The following GNAI3 variants were observed in gnomAD, a reference collection of about 807,000 sequenced individuals.
GNAI3 encodes G protein subunit alpha i3.
A neutral mutation model predicts 41.8 loss-of-function variants in GNAI3; 12 were observed. That is an observed-to-expected ratio of 0.29 (90% CI 0.18 to 0.47). The LOEUF is 0.47. GNAI3 is among the 20% of genes least tolerant of loss of function. The probability of loss-of-function intolerance (pLI) is 1.00; values close to 1 mark genes in which losing one functional copy is unlikely to be tolerated. For synonymous variants in GNAI3, 132 were observed against 146.5 expected (o/e 0.90, Z 0.71); for missense variants, 360 against 429.6 (o/e 0.84, Z 1.43).
At chr1:109,550,431 G>A (rs971023583) in intron 1 of GNAI3, among the ~76,000 whole-genome samples, 4 of 152,162 alleles carry the variant, frequency 2.6e-5, no homozygotes, top group Admixed American at 1.3e-4. Context: ...CCTAGTAGGT[G>A]CTCCTTAAAT....
In GNAI3 at chr1:109,598,621, A is replaced by C. The variant is rs1024616986; in HGVS notation, c.*6299A>C. 13 of 230,878 alleles carry C rather than the reference A, an allele frequency of 5.6e-5. No homozygotes were observed. The highest frequency in any genetic ancestry group is 2.9e-4 in the African/African-American group (13 of 44,100). 14.3% of individuals were successfully genotyped at this position (230,878 alleles called of 1,614,324 possible). On this transcript the variant is annotated 3_prime_UTR_variant, in exon 9 of 9. Transcript: ENST00000369851. Reference sequence around the variant, plus strand: ...GCCCATATTCATTTTGAAGACCTGAAATGAAGTTGAACTATAAATTGCTCT... The same window carrying C: ...GCCCATATTCATTTTGAAGACCTGACATGAAGTTGAACTATAAATTGCTCT...
At chr1:109,550,254 G>A (rs1052048636) in intron 1 of GNAI3, among the ~76,000 whole-genome samples, 4 of 152,186 alleles carry the variant, frequency 2.6e-5, no homozygotes, top group South Asian at 2.1e-4. Context: ...GTTGTAGATT[G>A]CAGAAGCTCT....
At chr1:109,564,278 A>T (rs1428019818) in intron 1 of GNAI3, among the ~76,000 whole-genome samples, 2 of 148,816 alleles carry the variant, frequency 1.3e-5, no homozygotes, top group Non-Finnish European at 3.0e-5. Context: ...TTATTTATTT[A>T]TTTTTTTTGC....
At chr1:109,563,489 C>G (rs1648367288) in intron 1 of GNAI3, among the ~76,000 whole-genome samples, 1 of 152,180 alleles carries the variant, frequency 6.6e-6, no homozygotes, top group Non-Finnish European at 1.5e-5. Flanking sequence ...AAGGAAGGAA[C>G]TCTACGTACT....
At chr1:109,569,903 A>G (rs1648549606) in intron 1 of GNAI3, among the ~76,000 whole-genome samples, 1 of 152,154 alleles carries the variant, frequency 6.6e-6, no homozygotes, top group Non-Finnish European at 1.5e-5. Flanking sequence ...ATTTCATTCA[A>G]GATAATCTCA....
At chr1:109,549,242 T>A (rs980922575) in intron 1 of GNAI3, among the ~76,000 whole-genome samples, 1 of 152,142 alleles carries the variant, frequency 6.6e-6, no homozygotes, top group African/African-American at 2.4e-5. Flanking sequence ...TAATGGTTTG[T>A]GAGTTTGGAG....
rs1482986943 is a variant in GNAI3 at position 109,595,452 on chromosome 1, A to G, written c.*3130A>G. The G allele has an allele frequency of 1.3e-5, 2 of 152,166 alleles. No homozygotes were observed. Among genetic ancestry groups the G allele is most frequent in the Non-Finnish European group, 1.5e-5 (1 of 68,030 alleles). 9.4% of individuals were successfully genotyped at this position (152,166 alleles called of 1,614,324 possible). A position where few individuals can be genotyped will look rare whatever the true frequency, so the allele number is the denominator to read the frequency against. On this transcript the variant is annotated 3_prime_UTR_variant, in exon 9 of 9. Transcript: ENST00000369851. ...TTTCACAAGGTACTACATTCTTACA[A>G]TGTAAGACTAGATGGACCAAAATTT... is the stretch of plus-strand genomic sequence containing the variant.
chr1:109,579,432 C>T (rs1437774284), intron 4 of GNAI3, 71 bp downstream of exon 4: 6 of 1,070,946 alleles, frequency 5.6e-6, no homozygotes, highest in Non-Finnish European at 2.8e-6. Context: ...TTAGTCCCCA[C>T]TTAAGGAAAT....
Position 109,593,828 on chromosome 1 carries a change from G to C in GNAI3, c.*1506G>C, listed in dbSNP as rs1172890412. On this transcript the variant is annotated 3_prime_UTR_variant, in exon 9 of 9. Coordinates refer to ENST00000369851, the MANE Select transcript of GNAI3 (RefSeq NM_006496.4). ...ATTAAATATTGAATGCTCTATTGGG[G>C]GAAGACAAATGAAGAGAATGCATTT... 5 of 152,552 alleles carry C rather than the reference G, an allele frequency of 3.3e-5. No homozygotes were observed. The highest frequency in any genetic ancestry group is 1.2e-4 in the African/African-American group (5 of 41,410). 9.4% of individuals were successfully genotyped at this position (152,552 alleles called of 1,614,324 possible).
chr1:109,598,200 A>G lies in GNAI3; in HGVS notation c.*5878A>G, dbSNP rs557208539. ...TTTACTAAGATGCTTATTTATATGTAAGAGAGATTTCCAGTAGATACAACA... is the reference window on the plus strand; with the variant it reads ...TTTACTAAGATGCTTATTTATATGTGAGAGAGATTTCCAGTAGATACAACA... On this transcript the variant is annotated 3_prime_UTR_variant, in exon 9 of 9. Transcript: ENST00000369851. The G allele has an allele frequency of 6.6e-6, 1 of 152,342 alleles. No homozygotes were observed. The highest frequency in any genetic ancestry group is 6.5e-5 in the Admixed American group (1 of 15,298). The allele number at this position is 152,342 out of a possible 1,614,324, so 9.4% of individuals were successfully genotyped here.
intron 1 of GNAI3, among the ~76,000 whole-genome samples, chr1:109,566,662 A>G (rs897560516): frequency 3.3e-5 from 5 of 152,138 alleles, no homozygotes; most frequent in Non-Finnish European, 7.3e-5. Context: ...CCTGGATTCA[A>G]GCGATTCTCC....
rs1648126132 is a variant in GNAI3 at position 109,555,893 on chromosome 1, A to G, written c.118+7055A>G. ...CTCTGCAGATACTTCCTTTTTTCCT[A>G]TCCTGTCTCTCTTCCTTCCCTGGTT... On this transcript the variant is annotated intron_variant, in intron 1 of 8. Coordinates refer to ENST00000369851, the MANE Select transcript of GNAI3 (RefSeq NM_006496.4). Among the ~76,000 whole-genome samples, 5 of 150,464 alleles carry G rather than the reference A, an allele frequency of 3.3e-5. No homozygotes were observed. The South Asian group carries it at 8.3e-4, about 25-fold the overall frequency.
At chr1:109,550,332 A>T (rs1177210206) in intron 1 of GNAI3, among the ~76,000 whole-genome samples, 1 of 152,198 alleles carries the variant, frequency 6.6e-6, no homozygotes, top group Non-Finnish European at 1.5e-5. Flanking sequence ...TCCGGTTTGT[A>T]TACCTGAACT....
In GNAI3 at chr1:109,592,710, C is replaced by A. The variant is rs1384335653; in HGVS notation, c.*388C>A. 6.5e-6 allele frequency: 1 copy of A among 153,046 alleles called. No individual in the cohort carries two copies. Among genetic ancestry groups the A allele is most frequent in the Non-Finnish European group, 1.5e-5 (1 of 68,370 alleles). The allele number at this position is 153,046 out of a possible 1,614,324, so 9.5% of individuals were successfully genotyped here. On this transcript the variant is annotated 3_prime_UTR_variant, in exon 9 of 9. Coordinates refer to ENST00000369851, the MANE Select transcript of GNAI3 (RefSeq NM_006496.4). The stretch of plus-strand genomic sequence containing the variant: ...GGTTTTTTCATCAAGAGAAGAATAA[C>A]TTTACTAAATTTTATTTCTTTATTT...
At position 109,552,914 on chromosome 1, in the gene GNAI3, T is replaced by C. The variant is rs552806819; in HGVS notation, c.118+4076T>C. ...TGAATTTAAGTTCTACCTCCACTTA[T>C]TAGCTCTGAGACCCAGAGCAAGTAA... On this transcript the variant is annotated intron_variant, in intron 1 of 8. Transcript: ENST00000369851. 9.8e-4 allele frequency among the ~76,000 whole-genome samples: 150 copies of C among 152,338 alleles called. No homozygotes were observed. In the Middle Eastern group the frequency reaches 0.01, roughly 10 times the overall value.
intron 1 of GNAI3, among the ~76,000 whole-genome samples, chr1:109,549,665 A>G (rs1431346241): frequency 6.6e-6 from 1 of 152,224 alleles, no homozygotes; most frequent in Non-Finnish European, 1.5e-5. Flanking sequence ...GATGATGTGT[A>G]GTTGGAATAG....
Position 109,595,776 on chromosome 1 carries a change from G to A in GNAI3, c.*3454G>A, listed in dbSNP as rs1174410497. On this transcript the variant is annotated 3_prime_UTR_variant, in exon 9 of 9. Transcript: ENST00000369851. ...TGCAGTCATATATAAGGTAAAGTCAGTCTCTTGTTCCTATTAAAAAGCTAC... is the reference window on the plus strand; with the variant it reads ...TGCAGTCATATATAAGGTAAAGTCAATCTCTTGTTCCTATTAAAAAGCTAC... 6.6e-6 allele frequency: 1 copy of A among 151,150 alleles called. No homozygotes were observed. Among genetic ancestry groups the A allele is most frequent in the Non-Finnish European group, 1.5e-5 (1 of 67,896 alleles). 9.4% of individuals were successfully genotyped at this position (151,150 alleles called of 1,614,324 possible).
At chr1:109,563,389 G>C (rs946147924) in intron 1 of GNAI3, among the ~76,000 whole-genome samples, 1 of 152,054 alleles carries the variant, frequency 6.6e-6, no homozygotes, top group African/African-American at 2.4e-5. Context: ...TGTCTCAGAA[G>C]ACAAACAAAC....
At chr1:109,571,499 T>C (rs181679343) in intron 1 of GNAI3, among the ~76,000 whole-genome samples, 64 of 152,334 alleles carry the variant, frequency 4.2e-4, no homozygotes, top group Non-Finnish European at 3.5e-4. Flanking sequence ...GGGGTAATAA[T>C]GTCTACCTCA....
Sources: gnomAD v4.1 joint callset for allele counts (sites outside exome capture counted in the v4.1 genomes callset) on GRCh38, gnomAD v4.1.1 for gene constraint, MANE v1.5 for transcripts, NCBI Gene and HGNC (gene_info 2026-07-23, HGNC 2026-07-21) for gene names.